The following SPOPL variants were observed in gnomAD, a reference collection of about 807,000 sequenced individuals.
The protein encoded by SPOPL is speckle type BTB/POZ protein like, also known as speckle-type POZ protein-like.
A neutral mutation model predicts 53.8 loss-of-function variants in SPOPL; 23 were observed. That is an observed-to-expected ratio of 0.43 (90% CI 0.31 to 0.61). The LOEUF (loss-of-function observed/expected upper bound fraction) is 0.61. Ranked by LOEUF, SPOPL falls within the 20% of genes least tolerant of loss-of-function variation. The pLI is 0.12. For synonymous variants in SPOPL, 164 were observed against 149.7 expected, an observed-to-expected ratio of 1.10 and a Z score of -0.70; for missense variants, 442 against 466.9, an observed-to-expected ratio of 0.95 and a Z score of 0.49.
At chr2:138,563,403 G>T (rs997371917) in intron 8 of SPOPL, among the ~76,000 whole-genome samples, 1 of 152,050 alleles carries the variant, frequency 6.6e-6, no homozygotes, top group Non-Finnish European at 1.5e-5. Flanking sequence ...GATTCCTTTA[G>T]CCCAGGAGGT....
intron 1 of SPOPL, among the ~76,000 whole-genome samples, chr2:138,530,128 C>T (rs934914215): frequency 6.6e-6 from 1 of 152,208 alleles, no homozygotes; most frequent in Non-Finnish European, 1.5e-5. Flanking sequence ...CAGCTCTATC[C>T]ATGTTCCTGC....
chr2:138,563,594 G>T (rs757832976), intron 8 of SPOPL, among the ~76,000 whole-genome samples: 5 of 152,184 alleles, frequency 3.3e-5, no homozygotes, highest in Non-Finnish European at 7.3e-5. Context: ...ACCATACTAA[G>T]TGTTATCAAG....
At chr2:138,552,898 T>C (rs754820303) in intron 5 of SPOPL, among the ~76,000 whole-genome samples, 1 of 152,104 alleles carries the variant, frequency 6.6e-6, no homozygotes, top group Admixed American at 6.6e-5. Flanking sequence ...CTATAATTTG[T>C]GTGTACACTT....
At chr2:138,562,221 TG>T (rs919096055) in intron 8 of SPOPL, among the ~76,000 whole-genome samples, 3 of 151,536 alleles carry the variant, frequency 2.0e-5, no homozygotes, top group African/African-American at 7.3e-5. Context: ...ATAATAACTT[TG>T]GGGAAAAAAA....
chr2:138,560,679 A>G lies in SPOPL; in HGVS notation c.715-126A>G, dbSNP rs546004650. 2.5e-3 allele frequency: 2,519 copies of G among 1,021,944 alleles called. 4 individuals are homozygous for G. Among genetic ancestry groups the G allele is most frequent in the Non-Finnish European group, 3.3e-3 (2,376 of 719,926 alleles). The allele number at this position is 1,021,944 out of a possible 1,614,324, so 63.3% of individuals were successfully genotyped here. A position where few individuals can be genotyped will look rare whatever the true frequency, so the allele number is the denominator to read the frequency against. ...AGAATTTAGAAATATCTGTGTATGT[A>G]TATTTGAGTTATACACTATTTTAGT... On this transcript the variant is annotated intron_variant, in intron 7 of 10. Coordinates refer to ENST00000280098, the MANE Select transcript of SPOPL (RefSeq NM_001001664.3).
Position 138,562,783 on chromosome 2 carries a change from CAAAAAAAAAAA to C in SPOPL, c.837+1866_837+1876del, listed in dbSNP as rs35397774. Among the ~76,000 whole-genome samples, 33 of 64,156 alleles carry C rather than the reference CAAAAAAAAAAA, an allele frequency of 5.1e-4. 2 individuals are homozygous for C. The highest frequency in any genetic ancestry group is 2.0e-4 in the Non-Finnish European group (6 of 30,280). 42.1% of individuals were successfully genotyped at this position (64,156 alleles called of 152,430 possible). On this transcript the variant is annotated intron_variant, in intron 8 of 10. Transcript: ENST00000280098. ...TGGGCAAAAGAGCAAGATTCCATCT[CAAAAAAAAAAA>C]AAAAAAAAAGTAATGCAAAATGGAT...
rs1335521492 is a variant in SPOPL, at chr2:138,501,897, G to A, written c.-283G>A. 6.6e-6 allele frequency: 1 copy of A among 152,660 alleles called. No homozygotes were observed. Among genetic ancestry groups the A allele is most frequent in the African/African-American group, 2.4e-5 (1 of 41,444 alleles). 9.5% of individuals were successfully genotyped at this position (152,660 alleles called of 1,614,324 possible). A position where few individuals can be genotyped will look rare whatever the true frequency, so the allele number is the denominator to read the frequency against. ...GGCGGAGGTGGCCGCCCCTGGCGGCGGGTTTGTTTATCCCGGGGAAGAAGT... is the reference window on the plus strand; with the variant it reads ...GGCGGAGGTGGCCGCCCCTGGCGGCAGGTTTGTTTATCCCGGGGAAGAAGT... On this transcript the variant is annotated 5_prime_UTR_variant, in exon 1 of 11. Transcript: ENST00000280098.
At chr2:138,560,481 T>C (rs1271486557) in intron 7 of SPOPL, among the ~76,000 whole-genome samples, 2 of 151,862 alleles carry the variant, frequency 1.3e-5, no homozygotes, top group East Asian at 1.9e-4. Context: ...AATTGAAAAA[T>C]TGGGGCTCCT....
rs746625053 is a variant in SPOPL, at chr2:138,559,031, G to C, written c.490G>C (p.Val164Leu). 33 of 1,598,158 alleles carry C rather than the reference G, an allele frequency of 2.1e-5. No homozygotes were observed. The highest frequency in any genetic ancestry group is 4.0e-5 in the African/African-American group (3 of 74,142). Residue 164 changes from valine (V) to leucine (L), a missense_variant, in exon 6 of 11, where the codon GTC (valine) becomes CTC (leucine). Val to Leu is a conservative substitution (Grantham distance 32). Coordinates refer to ENST00000280098, the MANE Select transcript of SPOPL (RefSeq NM_001001664.3). ...KLTLFCEVSV[V>L]QDSVNISGHT... ...GTCCCTTTTTTATTAGGTGAGTGTG[G>C]TCCAAGATTCAGTAAACATATCAGG...
At chr2:138,502,312 C>T (rs1303006285) in intron 1 of SPOPL, among the ~76,000 whole-genome samples, 193 bp downstream of exon 1, 1 of 152,252 alleles carries the variant, frequency 6.6e-6, no homozygotes, top group East Asian at 1.9e-4. Flanking sequence ...CCGGACCGCC[C>T]TTCCCTCGCG....
chr2:138,559,143 A>G lies in SPOPL; in HGVS notation c.602A>G (p.Asp201Gly). The G allele has an allele frequency of 6.2e-7, 1 of 1,613,832 alleles. No homozygotes were observed. Among genetic ancestry groups the G allele is most frequent in the Non-Finnish European group, 8.5e-7 (1 of 1,179,854 alleles). The change falls in exon 6 of 11, where the codon GAC becomes GGC. Residue 201 changes from aspartate to glycine, a missense_variant. By Grantham distance (94) the Asp-to-Gly change is moderately conservative. Transcript: ENST00000280098. Reference protein sequence around the residue: ...GNLWENTRFTDCSFFVRGQEF... With the variant: ...GNLWENTRFTGCSFFVRGQEF... ...CTCTGGGAAAACACAAGATTTACAGACTGCAGTTTTTTCGTGAGAGGACAA... is the reference window on the plus strand; with the variant it reads ...CTCTGGGAAAACACAAGATTTACAGGCTGCAGTTTTTTCGTGAGAGGACAA...
At chr2:138,539,492 G>T (rs1386898213) in intron 1 of SPOPL, among the ~76,000 whole-genome samples, 1 of 152,158 alleles carries the variant, frequency 6.6e-6, no homozygotes, top group African/African-American at 2.4e-5. Flanking sequence ...GCATTTCTCT[G>T]ATGGCCAGTG....
intron 1 of SPOPL, among the ~76,000 whole-genome samples, chr2:138,532,593 A>ATTTTTTTTTTTT (rs71301784): frequency 5.1e-4 from 57 of 111,830 alleles, no homozygotes; most frequent in Non-Finnish European, 6.3e-4. Context: ...CGCCCGGCTA[A>ATTTTTTTTTTTT]TTTTTTTTTT....
At position 138,501,951 on chromosome 2, in the gene SPOPL, G is replaced by C. The variant is rs998094495; in HGVS notation, c.-229G>C. 2.0e-5 allele frequency: 3 copies of C among 152,288 alleles called. No individual in the cohort carries two copies. The highest frequency in any genetic ancestry group is 2.9e-5 in the Non-Finnish European group (2 of 68,128). The allele number at this position is 152,288 out of a possible 1,614,324, so 9.4% of individuals were successfully genotyped here. On this transcript the variant is annotated 5_prime_UTR_variant, in exon 1 of 11. Coordinates refer to ENST00000280098, the MANE Select transcript of SPOPL (RefSeq NM_001001664.3). ...GGAGCGGGAGATAGGGAAGGAGGGCGGGTCGGGGAGGAGGGATGCGGTTCG... is the reference window on the plus strand; with the variant it reads ...GGAGCGGGAGATAGGGAAGGAGGGCCGGTCGGGGAGGAGGGATGCGGTTCG...
At chr2:138,529,229 A>T (rs541731261) in intron 1 of SPOPL, among the ~76,000 whole-genome samples, 10 of 152,298 alleles carry the variant, frequency 6.6e-5, no homozygotes, top group African/African-American at 2.4e-4. Flanking sequence ...GAGAGAAGTT[A>T]GCTACTAGAA....
At chr2:138,514,097 GA>G (rs1684387612) in intron 1 of SPOPL, among the ~76,000 whole-genome samples, 1 of 152,078 alleles carries the variant, frequency 6.6e-6, no homozygotes, top group Non-Finnish European at 1.5e-5. Flanking sequence ...CATAAACCCC[GA>G]ATATCTGAAA....
rs567380261 is a variant in SPOPL at position 138,573,114 on chromosome 2, C to T, written c.*4034C>T. On this transcript the variant is annotated 3_prime_UTR_variant, in exon 11 of 11. Coordinates refer to ENST00000280098, the MANE Select transcript of SPOPL (RefSeq NM_001001664.3). Reference sequence around the variant, plus strand: ...AAACTTATATTGAACTTTTCAGCCTCGTTTTTAATTAGCTGATGTTAATGA... The same window carrying T: ...AAACTTATATTGAACTTTTCAGCCTTGTTTTTAATTAGCTGATGTTAATGA... The T allele has an allele frequency of 1.4e-4, 21 of 152,022 alleles. No homozygotes were observed. Among genetic ancestry groups the T allele is most frequent in the African/African-American group, 4.3e-4 (18 of 41,474 alleles). The allele number at this position is 152,022 out of a possible 1,614,324, so 9.4% of individuals were successfully genotyped here. A position where few individuals can be genotyped will look rare whatever the true frequency, so the allele number is the denominator to read the frequency against.
intron 1 of SPOPL, among the ~76,000 whole-genome samples, chr2:138,529,347 G>C (rs1283106932): frequency 6.6e-6 from 1 of 152,118 alleles, no homozygotes; most frequent in Admixed American, 6.5e-5. Flanking sequence ...TTTTCTCTGT[G>C]TACTTCTATA....
At chr2:138,554,505 C>T (rs1685380892) in intron 5 of SPOPL, 2 of 1,289,644 alleles carry the variant, frequency 1.6e-6, no homozygotes, top group Middle Eastern at 4.4e-4. Flanking sequence ...ACTGCCTCCT[C>T]CCCCTCCCCT....
Sources: allele counts gnomAD v4.1 joint callset (sites outside exome capture counted in the v4.1 genomes callset), GRCh38; gene constraint gnomAD v4.1.1; transcripts MANE v1.5; gene names NCBI Gene and HGNC (gene_info 2026-07-23, HGNC 2026-07-21).